The following KAZN variants were observed in gnomAD, a reference collection of about 807,000 sequenced individuals.
The protein encoded by KAZN is kazrin, periplakin interacting protein.
A neutral mutation model predicts 87.4 loss-of-function variants in KAZN; 40 were observed. The ratio of observed to expected loss-of-function variants is 0.46; its 90% CI spans 0.36 to 0.60. The LOEUF (loss-of-function observed/expected upper bound fraction) is 0.60. Among genes scored for constraint, KAZN ranks in the 20% least tolerant of loss-of-function variants. The pLI, the probability that KAZN is intolerant of heterozygous loss-of-function variation, is 0.00. For missense variants in KAZN, 898 were observed against 1,073.9 expected (o/e 0.84, Z 2.29); for synonymous variants, 466 against 458.3 (o/e 1.02, Z -0.22).
intron 2 of KAZN, among the ~76,000 whole-genome samples, chr1:14,330,024 C>G (rs1359563022): frequency 1.3e-5 from 2 of 152,140 alleles, no homozygotes; most frequent in Non-Finnish European, 2.9e-5. Flanking sequence ...TTCAGAACAC[C>G]TGGAAGCTGC....
At chr1:14,547,516 C>T (rs573130194) in intron 2 of KAZN, among the ~76,000 whole-genome samples, 4 of 152,184 alleles carry the variant, frequency 2.6e-5, no homozygotes, top group Admixed American at 1.3e-4. Flanking sequence ...TGTAAATTGA[C>T]GACATGAATC....
chr1:14,395,316 C>G (rs1301922924), intron 2 of KAZN, among the ~76,000 whole-genome samples: 1 of 152,152 alleles, frequency 6.6e-6, no homozygotes, highest in East Asian at 1.9e-4. Flanking sequence ...TAATGTACTA[C>G]CTATAACATT....
At chr1:14,109,619 G>A (rs544623238) in intron 1 of KAZN, among the ~76,000 whole-genome samples, 5 of 152,068 alleles carry the variant, frequency 3.3e-5, no homozygotes, top group African/African-American at 9.6e-5. Context: ...CTTTCTCCAC[G>A]CTCTGATATT....
At chr1:13,894,324 A>C (rs11576840) in intron 1 of KAZN, among the ~76,000 whole-genome samples, 53,762 of 151,976 alleles carry the variant, frequency 0.35, 9,955 homozygotes, top group Admixed American at 0.51. Flanking sequence ...CGTTTTATAC[A>C]GAAGGGAAAG....
chr1:14,849,502 C>T (rs557806517), intron 1 of KAZN, among the ~76,000 whole-genome samples: 5 of 152,252 alleles, frequency 3.3e-5, no homozygotes, highest in African/African-American at 1.2e-4. Flanking sequence ...AAGTCATGCA[C>T]CTAGAATAGC....
At chr1:14,310,796 G>A (rs1382075821) in intron 2 of KAZN, among the ~76,000 whole-genome samples, 2 of 152,206 alleles carry the variant, frequency 1.3e-5, no homozygotes, top group East Asian at 3.9e-4. Context: ...AGGCCTGGCA[G>A]CCCCATCTCT....
At chr1:14,800,008 A>C (rs1645957145) in intron 1 of KAZN, among the ~76,000 whole-genome samples, 1 of 152,222 alleles carries the variant, frequency 6.6e-6, no homozygotes, top group Non-Finnish European at 1.5e-5. Flanking sequence ...TTGTCAGACT[A>C]TCTGCATATC....
chr1:14,934,942 G>A (rs925604064), intron 1 of KAZN, among the ~76,000 whole-genome samples: 2 of 152,238 alleles, frequency 1.3e-5, no homozygotes, highest in Non-Finnish European at 2.9e-5. Flanking sequence ...GAGGGTCATC[G>A]CTGATCTGGG....
chr1:14,124,842 G>A (rs1171343974), intron 1 of KAZN, among the ~76,000 whole-genome samples: 3 of 152,320 alleles, frequency 2.0e-5, no homozygotes, highest in African/African-American at 4.8e-5. Flanking sequence ...TTTGGAAAGA[G>A]ACAAAATCCA....
chr1:14,405,475 G>T (rs1437310987), intron 2 of KAZN, among the ~76,000 whole-genome samples: 2 of 152,108 alleles, frequency 1.3e-5, no homozygotes, highest in African/African-American at 4.8e-5. Flanking sequence ...GAGGAAGCGG[G>T]AGAGGCAATG....
intron 1 of KAZN, among the ~76,000 whole-genome samples, chr1:14,009,931 G>C (rs772290580): frequency 1.3e-5 from 2 of 151,880 alleles, no homozygotes; most frequent in Non-Finnish European, 2.9e-5. Context: ...TGGGAAACCG[G>C]GTGGTTTCCT....
At chr1:14,547,589 G>C (rs1030488471) in intron 2 of KAZN, among the ~76,000 whole-genome samples, 6 of 152,004 alleles carry the variant, frequency 3.9e-5, no homozygotes, top group Non-Finnish European at 8.8e-5. Context: ...TTAAAATAAC[G>C]CTGTTGTTGT....
intron 1 of KAZN, among the ~76,000 whole-genome samples, chr1:14,852,418 C>A (rs1443972956): frequency 6.6e-6 from 1 of 152,190 alleles, no homozygotes. Flanking sequence ...GCCAGGCCTG[C>A]GAATGAGGAG....
At chr1:14,301,951 T>A (rs2100782321) in intron 2 of KAZN, among the ~76,000 whole-genome samples, 1 of 152,280 alleles carries the variant, frequency 6.6e-6, no homozygotes, top group South Asian at 2.1e-4. Flanking sequence ...TCATTTTAGT[T>A]ACTTTTATAC....
chr1:14,047,501 C>A (rs1336188921), intron 1 of KAZN, among the ~76,000 whole-genome samples: 1 of 152,198 alleles, frequency 6.6e-6, no homozygotes, highest in Non-Finnish European at 1.5e-5. Context: ...AAACAAACAA[C>A]CCTTCTTCTA....
chr1:14,130,062 T>A (rs1644959236), intron 1 of KAZN, among the ~76,000 whole-genome samples: 1 of 152,226 alleles, frequency 6.6e-6, no homozygotes, highest in South Asian at 2.1e-4. Flanking sequence ...TCAATTACAT[T>A]TTACAACAGT....
chr1:14,767,512 G>A (rs1644915717), intron 1 of KAZN, among the ~76,000 whole-genome samples: 1 of 152,152 alleles, frequency 6.6e-6, no homozygotes, highest in African/African-American at 2.4e-5. Flanking sequence ...CTGAAGACTG[G>A]GTGCTTTCCC....
intron 2 of KAZN, among the ~76,000 whole-genome samples, chr1:14,527,080 G>A (rs542551451): frequency 1.2e-4 from 19 of 152,204 alleles, no homozygotes; most frequent in African/African-American, 3.9e-4. Flanking sequence ...GGATTAAAAC[G>A]ATGTATTATC....
At chr1:14,157,809 C>G (rs76238747) in intron 1 of KAZN, among the ~76,000 whole-genome samples, 1 of 152,014 alleles carries the variant, frequency 6.6e-6, no homozygotes, top group Non-Finnish European at 1.5e-5. Flanking sequence ...GCTGGGGGGG[C>G]CTCAGGAAGC....
Sources: allele counts gnomAD v4.1 joint callset (sites outside exome capture counted in the v4.1 genomes callset), GRCh38; gene constraint gnomAD v4.1.1; transcripts MANE v1.5; gene names NCBI Gene and HGNC (gene_info 2026-07-23, HGNC 2026-07-21).